The following COX10 variants were observed in gnomAD, a reference collection of about 807,000 sequenced individuals.
COX10 encodes the protein cytochrome c oxidase assembly factor heme A:farnesyltransferase COX10, also known as protoheme IX farnesyltransferase, mitochondrial.
A neutral mutation model predicts 37.3 loss-of-function variants in COX10; 27 were observed. The ratio of observed to expected loss-of-function variants is 0.72; its 90% CI spans 0.53 to 1.00. The LOEUF (loss-of-function observed/expected upper bound fraction) is 1.00. COX10 is among the 50% of genes least tolerant of loss of function. COX10 has a pLI of 0.00. For missense variants in COX10, 475 were observed against 563.2 expected (o/e 0.84, Z 1.59); for synonymous variants, 222 against 229.1 (o/e 0.97, Z 0.28).
intron 5 of COX10, among the ~76,000 whole-genome samples, chr17:14,188,657 T>A (rs561478947): frequency 6.6e-6 from 1 of 152,156 alleles, no homozygotes; most frequent in South Asian, 2.1e-4. Context: ...TAAAGACTTT[T>A]TAAGATTAGG....
chr17:14,124,027 G>A (rs1181816621), intron 4 of COX10, among the ~76,000 whole-genome samples: 1 of 152,096 alleles, frequency 6.6e-6, no homozygotes, highest in African/African-American at 2.4e-5. Context: ...GTTTACAACA[G>A]TTACAGTTGA....
intron 5 of COX10, among the ~76,000 whole-genome samples, chr17:14,189,341 CT>C (rs1462373026): frequency 6.6e-6 from 1 of 152,046 alleles, no homozygotes; most frequent in Non-Finnish European, 1.5e-5. Flanking sequence ...TCATTTTTTC[CT>C]CACAAATTGA....
chr17:14,075,001 A>C (rs9903028), intron 2 of COX10, among the ~76,000 whole-genome samples: 17 of 152,226 alleles, frequency 1.1e-4, no homozygotes, highest in African/African-American at 4.1e-4. Flanking sequence ...TATGGAACTT[A>C]CTATTAATTG....
At chr17:14,103,749 T>G (rs1915835329) in intron 4 of COX10, among the ~76,000 whole-genome samples, 2 of 152,120 alleles carry the variant, frequency 1.3e-5, no homozygotes, top group African/African-American at 4.8e-5. Context: ...GAATAAAAAT[T>G]GAATGATTTA....
chr17:14,193,777 C>G (rs137904239), intron 6 of COX10, among the ~76,000 whole-genome samples: 2 of 149,134 alleles, frequency 1.3e-5, no homozygotes, highest in African/African-American at 2.4e-5. Flanking sequence ...CCTGACTTGA[C>G]CCCAATTCCC....
In COX10 at chr17:14,082,528, A is replaced by G. The variant is rs116961097; in HGVS notation, c.499+5472A>G. On this transcript the variant is annotated intron_variant, in intron 3 of 6. Transcript: ENST00000261643. ...AGGAAAATAGGATAACTAGTTTAAG[A>G]TGAACTTTTTTCTTGGCCACATCTT... is the stretch of plus-strand genomic sequence containing the variant. Among the ~76,000 whole-genome samples, 1,463 of 152,248 alleles carry G rather than the reference A, an allele frequency of 9.6e-3. 54 individuals carry two copies. The highest frequency in any genetic ancestry group is 0.079 in the East Asian group (408 of 5,180).
rs930221064 is a variant in COX10, at chr17:14,169,275, A to G, written c.695+9328A>G. Among the ~76,000 whole-genome samples the G allele has an allele frequency of 2.0e-5, 3 of 152,176 alleles. No individual in the cohort carries two copies. In the East Asian group the frequency reaches 5.8e-4, roughly 29 times the overall value. ...AATTCCCAATAATTTCCTTGTCTCC[A>G]TCTGAGACCACCTTAGCCTGGACTT... On this transcript the variant is annotated intron_variant, in intron 5 of 6. Coordinates refer to ENST00000261643, the MANE Select transcript of COX10 (RefSeq NM_001303.4).
At chr17:14,161,535 C>T (rs577520575) in intron 5 of COX10, among the ~76,000 whole-genome samples, 3 of 152,234 alleles carry the variant, frequency 2.0e-5, no homozygotes, top group South Asian at 4.1e-4. Context: ...TTGGGTGTGT[C>T]TGTGAGGGTG....
intron 1 of COX10, among the ~76,000 whole-genome samples, chr17:14,071,906 T>TA (rs909632326): frequency 2.4e-4 from 35 of 148,632 alleles, no homozygotes; most frequent in Middle Eastern, 3.2e-3. Flanking sequence ...TCTCAAAAAA[T>TA]AAAAAAAAAA....
At chr17:14,082,224 G>C (rs1915312175) in intron 3 of COX10, among the ~76,000 whole-genome samples, 1 of 152,158 alleles carries the variant, frequency 6.6e-6, no homozygotes, top group Non-Finnish European at 1.5e-5. Context: ...AATGGTCAGA[G>C]GGAGGAAGAC....
intron 4 of COX10, among the ~76,000 whole-genome samples, chr17:14,129,258 G>T (rs1372707344): frequency 6.6e-6 from 1 of 151,296 alleles, no homozygotes; most frequent in Non-Finnish European, 1.5e-5. Flanking sequence ...TCACAGAAAT[G>T]AAATTTATTC....
At chr17:14,165,871 A>G (rs566347744) in intron 5 of COX10, among the ~76,000 whole-genome samples, 5 of 152,340 alleles carry the variant, frequency 3.3e-5, no homozygotes, top group Admixed American at 2.6e-4. Context: ...TGTTTTAGCA[A>G]TCTGGCTATA....
chr17:14,080,344 G>C (rs1419835186), intron 3 of COX10, among the ~76,000 whole-genome samples: 2 of 149,490 alleles, frequency 1.3e-5, no homozygotes, highest in Admixed American at 6.8e-5. Flanking sequence ...CTTCCTTGTA[G>C]CTGGGACCAC....
At chr17:14,198,618 G>T (rs1018714679) in intron 6 of COX10, among the ~76,000 whole-genome samples, 11 of 152,152 alleles carry the variant, frequency 7.2e-5, no homozygotes, top group Non-Finnish European at 1.2e-4. Context: ...GTGACATTTG[G>T]CAGATGGATG....
rs1413020023 is a variant in COX10 at position 14,076,791 on chromosome 17, A to T, written c.234A>T (p.Pro78=). The part of the protein sequence containing the change: ...HNQQVRPKPE[P]VASPFLEKTS... ...AGCAAGTAAGACCCAAGCCAGAACC[A>T]GTAGCATCTCCTTTCCTTGAAAAAA... The change falls in exon 3 of 7, where the codon CCA becomes CCT. Residue 78 remains proline, a synonymous_variant. Coordinates refer to ENST00000261643, the MANE Select transcript of COX10 (RefSeq NM_001303.4). The T allele has an allele frequency of 1.2e-6, 2 of 1,614,108 alleles. No individual in the cohort carries two copies. Among genetic ancestry groups the T allele is most frequent in the Admixed American group, 1.7e-5 (1 of 60,014 alleles).
At chr17:14,082,483 G>T (rs185148714) in intron 3 of COX10, among the ~76,000 whole-genome samples, 1 of 152,210 alleles carries the variant, frequency 6.6e-6, no homozygotes, top group Non-Finnish European at 1.5e-5. Context: ...TTATTATAAT[G>T]CTTGTTTCAT....
At chr17:14,189,809 G>T (rs984208581) in intron 5 of COX10, among the ~76,000 whole-genome samples, 28 of 152,310 alleles carry the variant, frequency 1.8e-4, no homozygotes, top group Non-Finnish European at 3.2e-4. Flanking sequence ...GAAACAGAGG[G>T]ATGGAAGAGA....
At chr17:14,112,807 C>G (rs1321098433) in intron 4 of COX10, among the ~76,000 whole-genome samples, 1 of 152,080 alleles carries the variant, frequency 6.6e-6, no homozygotes, top group African/African-American at 2.4e-5. Flanking sequence ...AATTTTATAA[C>G]ATGGAGGACC....
At chr17:14,112,161 C>T (rs114493101) in intron 4 of COX10, among the ~76,000 whole-genome samples, 4,210 of 152,224 alleles carry the variant, frequency 0.028, 83 homozygotes, top group Middle Eastern at 0.051. Flanking sequence ...TAAGAACCTA[C>T]GTCTTAAGTA....
Sources: gnomAD v4.1 joint callset for allele counts (sites outside exome capture counted in the v4.1 genomes callset) on GRCh38, gnomAD v4.1.1 for gene constraint, MANE v1.5 for transcripts, NCBI Gene and HGNC (gene_info 2026-07-23, HGNC 2026-07-21) for gene names.